Variants in PTPRB observed in about 807,000 individuals in gnomAD.
PTPRB encodes the protein receptor-type tyrosine-protein phosphatase beta.
In PTPRB, 97 loss-of-function variants were observed where a neutral mutation model predicts 238.1. The ratio of observed to expected loss-of-function variants is 0.41; its 90% CI spans 0.35 to 0.48. The LOEUF (loss-of-function observed/expected upper bound fraction) is 0.48. PTPRB is among the 20% of genes least tolerant of loss of function. PTPRB has a pLI of 0.30. For synonymous variants in PTPRB, 970 were observed against 995.4 expected, an observed-to-expected ratio of 0.97 and a Z score of 0.48; for missense variants, 2,292 against 2,681.9, an observed-to-expected ratio of 0.85 and a Z score of 3.21.
chr12:70,616,900 C>G (rs540847483), intron 3 of PTPRB, among the ~76,000 whole-genome samples: 2 of 152,064 alleles, frequency 1.3e-5, no homozygotes, highest in African/African-American at 4.8e-5. Context: ...ACTCCAGGAC[C>G]CTTATGTATA....
At chr12:70,600,578 G>A (rs1411851007) in intron 4 of PTPRB, among the ~76,000 whole-genome samples, 1 of 152,228 alleles carries the variant, frequency 6.6e-6, no homozygotes, top group Non-Finnish European at 1.5e-5. Flanking sequence ...CTGTGAGCAT[G>A]AAAGTTCCCT....
rs745962608 is a variant in PTPRB, at chr12:70,596,356, A to AC, written c.980-30_980-29insG. The AC allele has an allele frequency of 4.9e-4, 432 of 876,264 alleles. 1 individual carries two copies. The highest frequency in any genetic ancestry group is 3.5e-3 in the East Asian group (102 of 29,030). The allele number at this position is 876,264 out of a possible 1,614,324, so 54.3% of individuals were successfully genotyped here. On this transcript the variant is annotated intron_variant, in intron 4 of 33. Coordinates refer to ENST00000334414, the MANE Select transcript of PTPRB (RefSeq NM_001109754.4). ...CAAGGCAAATACACACACACACACA[A>AC]AAAAAAAAAAGAAAGAAAAAGAAAA...
rs916953654 is a variant in PTPRB at position 70,622,180 on chromosome 12, G to A, written c.708+210C>T. On this transcript the variant is annotated intron_variant, in intron 3 of 33. Transcript: ENST00000334414. Reference sequence around the variant, plus strand: ...GTTATTCCATGGCAGCCTAATTATCGGCATCTCATAAAGATATAGAAATTT... The same window carrying A: ...GTTATTCCATGGCAGCCTAATTATCAGCATCTCATAAAGATATAGAAATTT... 4.6e-5 allele frequency among the ~76,000 whole-genome samples: 7 copies of A among 152,146 alleles called. No homozygotes were observed. The South Asian group carries it at 1.0e-3, about 23-fold the overall frequency.
At chr12:70,532,822 C>T (rs901783524) in intron 31 of PTPRB, among the ~76,000 whole-genome samples, 7 of 151,994 alleles carry the variant, frequency 4.6e-5, no homozygotes, top group African/African-American at 1.7e-4. Context: ...AAAAAAAAGA[C>T]TTGTAGAGAT....
chr12:70,623,077 A>G (rs1885020375), intron 2 of PTPRB, among the ~76,000 whole-genome samples: 1 of 152,138 alleles, frequency 6.6e-6, no homozygotes, highest in Non-Finnish European at 1.5e-5. Flanking sequence ...CAGCTTCTCA[A>G]AGCAGGTTTT....
At chr12:70,594,827 C>A in intron 5 of PTPRB, 103 bp from the exon 6 acceptor site, 1 of 1,365,120 alleles carries the variant, frequency 7.3e-7, no homozygotes, top group Non-Finnish European at 1.0e-6. Context: ...TTCCTCTGTA[C>A]ATCTTAACTT....
intron 4 of PTPRB, among the ~76,000 whole-genome samples, chr12:70,602,808 A>G (rs71454284): frequency 6.6e-6 from 1 of 152,196 alleles, no homozygotes; most frequent in Non-Finnish European, 1.5e-5. Flanking sequence ...GGAAGAAAAC[A>G]CAATATCAAA....
intron 6 of PTPRB, 63 bp downstream of exon 6, chr12:70,594,402 CTT>C: frequency 6.3e-7 from 1 of 1,575,730 alleles, no homozygotes; most frequent in Non-Finnish European, 8.7e-7. Flanking sequence ...ATATAATAAA[CTT>C]GACTTATTAA....
chr12:70,592,219 AT>A, intron 7 of PTPRB, 62 bp downstream of exon 7: 1 of 1,607,988 alleles, frequency 6.2e-7, no homozygotes, highest in Admixed American at 1.7e-5. Flanking sequence ...ATTTTGTCCT[AT>A]TTTAAGGTGG....
chr12:70,571,926 C>T lies in PTPRB; in HGVS notation c.3004G>A (p.Glu1002Lys), dbSNP rs370577194. 100 of 1,613,782 alleles carry T rather than the reference C, an allele frequency of 6.2e-5. No homozygotes were observed. The highest frequency in any genetic ancestry group is 8.0e-5 in the Non-Finnish European group (94 of 1,179,858). Residue 1002 changes from glutamate (E) to lysine (K), a missense_variant, in exon 12 of 34, where the codon GAA (glutamate) becomes AAA (lysine). Glu to Lys is a moderately conservative substitution (Grantham distance 56, BLOSUM62 1). Transcript: ENST00000334414. ...GGGACTAGCTGAACAAATACACATT[C>T]GTTTTCTGACTTGGGAATGCTTTTA... ...QTKSIPKSEN[E>K]CVFVQLVPGR...
chr12:70,540,706 T>A (rs1874937262), intron 23 of PTPRB, 152 bp downstream of exon 23: 1 of 637,664 alleles, frequency 1.6e-6, no homozygotes, highest in Non-Finnish European at 2.7e-6. Context: ...AGTCATGGCT[T>A]TAGAGTTTGA....
At position 70,564,702 on chromosome 12, in the gene PTPRB, A is replaced by G. The variant is rs575131467; in HGVS notation, c.3905-1595T>C. Among the ~76,000 whole-genome samples the G allele has an allele frequency of 9.0e-4, 137 of 151,632 alleles. 1 individual carries two copies. Among genetic ancestry groups the G allele is most frequent in the African/African-American group, 3.1e-3 (128 of 41,328 alleles). On this transcript the variant is annotated intron_variant, in intron 15 of 33. Coordinates refer to ENST00000334414, the MANE Select transcript of PTPRB (RefSeq NM_001109754.4). The stretch of plus-strand genomic sequence containing the variant: ...ACAAAAATTAGCTGGGTGTGGTGGC[A>G]CATGCCTGAAGTCCCAACTACTTGG...
intron 9 of PTPRB, among the ~76,000 whole-genome samples, chr12:70,584,043 G>A (rs1220420861): frequency 6.6e-6 from 1 of 151,896 alleles, no homozygotes; most frequent in African/African-American, 2.4e-5. Context: ...ATACAGGAGG[G>A]GAATGAAAAT....
chr12:70,523,295 C>T (rs943197831), intron 33 of PTPRB, among the ~76,000 whole-genome samples: 5 of 152,214 alleles, frequency 3.3e-5, no homozygotes, highest in African/African-American at 1.2e-4. Flanking sequence ...GCTGGGACTA[C>T]AGGTGCACAC....
Position 70,552,917 on chromosome 12 carries a change from G to A in PTPRB, c.5247C>T (p.Ser1749=). The A allele has an allele frequency of 6.2e-7, 1 of 1,613,934 alleles. No individual in the cohort carries two copies. The highest frequency in any genetic ancestry group is 8.5e-7 in the Non-Finnish European group (1 of 1,179,868). The part of the protein sequence containing the change: ...IRVYQTNYFA[S]KCAENPNSNS... Reference sequence around the variant, plus strand: ...TGCTGTTAGGATTTTCGGCACATTTGCTGGCAAAATAATTAGTCTGATACA... The same window carrying A: ...TGCTGTTAGGATTTTCGGCACATTTACTGGCAAAATAATTAGTCTGATACA... The change falls in exon 21 of 34, where the codon AGC becomes AGT. Residue 1749 remains serine, a synonymous_variant. Transcript: ENST00000334414.
chr12:70,543,440 A>C (rs1287654872), intron 22 of PTPRB, among the ~76,000 whole-genome samples: 2 of 152,224 alleles, frequency 1.3e-5, no homozygotes, highest in Admixed American at 1.3e-4. Context: ...AGTATTTCAA[A>C]AAGGAAAGAA....
rs1231195079 is a variant in PTPRB, at chr12:70,555,961, C to T, written c.4902G>A (p.Val1634=). ...TGGACACCAGGTACCTCTTATGGGG[C>T]ACTAGCATCATGATGTTGAGCAGAG... is the stretch of plus-strand genomic sequence containing the variant. ...EKSLLNIMML[V]PHKRYLVSIK... is the part of the protein sequence containing the mutation. The change falls in exon 19 of 34, where the codon GTG becomes GTA. Residue 1634 remains valine (V), a synonymous_variant. Coordinates refer to ENST00000334414, the MANE Select transcript of PTPRB (RefSeq NM_001109754.4). 4.3e-6 allele frequency: 7 copies of T among 1,613,820 alleles called. No individual in the cohort carries two copies. The highest frequency in any genetic ancestry group is 5.9e-6 in the Non-Finnish European group (7 of 1,179,882).
intron 28 of PTPRB, among the ~76,000 whole-genome samples, chr12:70,537,587 A>G (rs1158065458): frequency 6.6e-6 from 1 of 152,190 alleles, no homozygotes; most frequent in Non-Finnish European, 1.5e-5. Context: ...GGTAAATATT[A>G]TTATCATCAG....
intron 28 of PTPRB, among the ~76,000 whole-genome samples, chr12:70,537,686 C>G (rs535482746): frequency 4.7e-4 from 71 of 152,260 alleles, no homozygotes; most frequent in African/African-American, 1.5e-3. Flanking sequence ...GGATTCAAAC[C>G]TAGATTTGTT....
Sources: allele counts gnomAD v4.1 joint callset (sites outside exome capture counted in the v4.1 genomes callset), GRCh38; gene constraint gnomAD v4.1.1; transcripts MANE v1.5; gene names NCBI Gene and HGNC (gene_info 2026-07-23, HGNC 2026-07-21).